SLC22A15: variants seen among roughly 807,000 people sequenced by gnomAD.
The protein encoded by SLC22A15 is flipt 1.
Under a neutral mutation model 62.7 loss-of-function variants are expected in SLC22A15, and 45 were observed. The observed-to-expected ratio is 0.72, with a 90% confidence interval of 0.56 to 0.92. The LOEUF (loss-of-function observed/expected upper bound fraction) is 0.92, where lower values mean the gene tolerates loss of function less well. Ranked by LOEUF, SLC22A15 falls within the 40% of genes least tolerant of loss-of-function variation. The pLI is 0.00. For missense variants in SLC22A15, 622 were observed against 665.6 expected (o/e 0.93, Z 0.72); for synonymous variants, 264 against 267.0 (o/e 0.99, Z 0.11).
chr1:116,027,167 A>G, intron 5 of SLC22A15, 145 bp downstream of exon 5: 1 of 774,440 alleles, frequency 1.3e-6, no homozygotes, highest in Non-Finnish European at 2.2e-6. Context: ...AAGTGCTCCA[A>G]TTCTTGGCAG....
chr1:116,043,581 T>A (rs190046606), intron 8 of SLC22A15, among the ~76,000 whole-genome samples: 49 of 151,986 alleles, frequency 3.2e-4, no homozygotes, highest in African/African-American at 1.2e-3. Context: ...TAACAAATTT[T>A]AAAAAAGAAG....
chr1:116,005,053 T>C (rs1655909829), intron 2 of SLC22A15, among the ~76,000 whole-genome samples: 1 of 152,228 alleles, frequency 6.6e-6, no homozygotes, highest in Admixed American at 6.5e-5. Flanking sequence ...ATTTGTGTCT[T>C]TTTTTCTTAT....
rs1419790228 is a variant in SLC22A15, at chr1:116,068,155, A to AC, written c.*1049dup. On this transcript the variant is annotated 3_prime_UTR_variant, in exon 12 of 12. Transcript: ENST00000369503. ...GGAAGGTTCAGTAATTTCATGGGAA[A>AC]CCTTGGTTTTTCATTAAGTGCTACC... The AC allele has an allele frequency of 6.6e-6, 1 of 152,620 alleles. No homozygotes were observed. The highest frequency in any genetic ancestry group is 2.4e-5 in the African/African-American group (1 of 41,446). The allele number at this position is 152,620 out of a possible 1,614,324, so 9.5% of individuals were successfully genotyped here.
In SLC22A15 at chr1:116,020,776, G is replaced by A. The variant is rs1237134769; in HGVS notation, c.489G>A (p.Glu163=). 2.5e-6 allele frequency: 4 copies of A among 1,613,612 alleles called. No homozygotes were observed. In the African/African-American group the frequency reaches 4.0e-5, roughly 16 times the overall value. The change falls in exon 4 of 12, where the codon GAG becomes GAA. Residue 163 remains glutamate (E), a synonymous_variant. Coordinates refer to ENST00000369503, the MANE Select transcript of SLC22A15 (RefSeq NM_018420.3). ...AIANGFSPSY[E]FFAVTRFLVG... ...CAAATGGATTTTCCCCCTCATATGAGTTCTTTGCAGTAACTCGCTTCCTGG... is the reference window on the plus strand; with the variant it reads ...CAAATGGATTTTCCCCCTCATATGAATTCTTTGCAGTAACTCGCTTCCTGG...
intron 6 of SLC22A15, chr1:116,032,116 C>G (rs138979926): frequency 2.0e-6 from 2 of 985,382 alleles, no homozygotes; most frequent in African/African-American, 1.7e-5. Flanking sequence ...GTGATGAACC[C>G]TAAGCCACAT....
chr1:116,014,989 T>C (rs185488828), intron 2 of SLC22A15: 12 of 152,356 alleles, frequency 7.9e-5, no homozygotes, highest in African/African-American at 2.6e-4. Context: ...ATCAATATCC[T>C]AGTGTATCTT....
At chr1:116,018,820 C>A (rs576419506) in intron 2 of SLC22A15, among the ~76,000 whole-genome samples, 19 of 152,180 alleles carry the variant, frequency 1.2e-4, no homozygotes, top group Non-Finnish European at 2.2e-4. Context: ...TAGCTATAGT[C>A]ATCCTACAGT....
At chr1:115,978,444 TGG>T (rs1205255450) in intron 1 of SLC22A15, among the ~76,000 whole-genome samples, 1 of 152,192 alleles carries the variant, frequency 6.6e-6, no homozygotes, top group African/African-American at 2.4e-5. Context: ...GGATGATTTA[TGG>T]TCAGTATTTG....
chr1:116,064,375 C>A (rs758760218), intron 9 of SLC22A15, 61 bp from the exon 10 acceptor site: 1 of 1,288,210 alleles, frequency 7.8e-7, no homozygotes, highest in African/African-American at 1.5e-5. Context: ...CTGCTGCCCC[C>A]CAAGGGTCTC....
chr1:115,976,605 G>T lies in SLC22A15; in HGVS notation c.-23G>T, dbSNP rs1391886114. 6.5e-7 allele frequency: 1 copy of T among 1,550,020 alleles called. No individual in the cohort carries two copies. The highest frequency in any genetic ancestry group is 8.7e-7 in the Non-Finnish European group (1 of 1,150,366). ...GCGCCTGAGAGGGCGGTGGGGTGGC[G>T]GGGTTCCTGCGCGCGGCCCGCCATG... On this transcript the variant is annotated 5_prime_UTR_variant, in exon 1 of 12. Transcript: ENST00000369503.
At chr1:115,982,303 A>G (rs1328662522) in intron 1 of SLC22A15, among the ~76,000 whole-genome samples, 1 of 152,240 alleles carries the variant, frequency 6.6e-6, no homozygotes, top group African/African-American at 2.4e-5. Context: ...AAGAGAAAAT[A>G]TAGAAATTAA....
intron 2 of SLC22A15, among the ~76,000 whole-genome samples, chr1:116,015,930 G>T (rs1421815513): frequency 2.0e-5 from 3 of 152,074 alleles, no homozygotes; most frequent in Non-Finnish European, 4.4e-5. Context: ...CTGGTAAAAT[G>T]TTACCGTAAG....
intron 4 of SLC22A15, among the ~76,000 whole-genome samples, chr1:116,023,209 G>A (rs1450361642): frequency 2.6e-5 from 4 of 152,094 alleles, no homozygotes; most frequent in South Asian, 2.1e-4. Context: ...ACACAAGTAC[G>A]AACTGCAAGC....
intron 2 of SLC22A15, among the ~76,000 whole-genome samples, chr1:116,014,949 C>T (rs192473152): frequency 8.9e-4 from 135 of 152,234 alleles, no homozygotes; most frequent in African/African-American, 2.6e-3. Flanking sequence ...GTATAGATTA[C>T]GCCAGTACAT....
chr1:116,026,814 T>C, intron 4 of SLC22A15, 79 bp from the exon 5 acceptor site: 2 of 1,559,684 alleles, frequency 1.3e-6, no homozygotes, highest in Middle Eastern at 2.4e-4. Context: ...CAGGAAGAAA[T>C]TGGCTCTGTA....
chr1:115,979,866 C>T (rs1654527937), intron 1 of SLC22A15, among the ~76,000 whole-genome samples: 1 of 151,960 alleles, frequency 6.6e-6, no homozygotes, highest in African/African-American at 2.4e-5. Flanking sequence ...AATTTAAAGC[C>T]CCCATTTACT....
chr1:116,024,271 A>G (rs1192554747), intron 4 of SLC22A15, among the ~76,000 whole-genome samples: 1 of 152,152 alleles, frequency 6.6e-6, no homozygotes. Context: ...AGATGGGGAG[A>G]GCAAAATAAC....
At chr1:116,049,924 A>G (rs1208161891) in intron 8 of SLC22A15, among the ~76,000 whole-genome samples, 1 of 152,212 alleles carries the variant, frequency 6.6e-6, no homozygotes, top group African/African-American at 2.4e-5. Context: ...ATTACAACTG[A>G]CACCACTGAA....
chr1:116,011,536 A>G (rs1021312681), intron 2 of SLC22A15, among the ~76,000 whole-genome samples: 1 of 152,222 alleles, frequency 6.6e-6, no homozygotes, highest in African/African-American at 2.4e-5. Flanking sequence ...TCTTACATAA[A>G]TAATTCAGCA....
Sources: allele counts gnomAD v4.1 joint callset (sites outside exome capture counted in the v4.1 genomes callset), GRCh38; gene constraint gnomAD v4.1.1; transcripts MANE v1.5; gene names NCBI Gene and HGNC (gene_info 2026-07-23, HGNC 2026-07-21).